CELF5: variants seen among roughly 807,000 people sequenced by gnomAD.
CELF5 encodes CUGBP Elav-like family member 5.
Under a neutral mutation model 54.9 loss-of-function variants are expected in CELF5, and 6 were observed. That is an observed-to-expected ratio of 0.11 (90% CI 0.06 to 0.22). The LOEUF (loss-of-function observed/expected upper bound fraction) is 0.22, where lower values mean the gene tolerates loss of function less well. CELF5 is among the 10% of genes least tolerant of loss of function. CELF5 has a pLI of 1.00. For synonymous variants in CELF5, 271 were observed against 290.9 expected, an observed-to-expected ratio of 0.93 and a Z score of 0.70; for missense variants, 401 against 678.6, an observed-to-expected ratio of 0.59 and a Z score of 4.54.
At chr19:3,277,420 C>G (rs901331270) in intron 4 of CELF5, among the ~76,000 whole-genome samples, 1 of 152,054 alleles carries the variant, frequency 6.6e-6, no homozygotes, top group Non-Finnish European at 1.5e-5. Context: ...TGCAGTGAGC[C>G]GAGATCACGC....
chr19:3,237,189 G>A (rs2145004123), intron 1 of CELF5, among the ~76,000 whole-genome samples: 1 of 150,378 alleles, frequency 6.6e-6, no homozygotes, highest in African/African-American at 2.4e-5. Flanking sequence ...GCAGGAACCT[G>A]TAGTCCCAGC....
chr19:3,262,716 C>T (rs898249456), intron 2 of CELF5, among the ~76,000 whole-genome samples: 7 of 151,388 alleles, frequency 4.6e-5, no homozygotes, highest in Admixed American at 3.3e-4. Context: ...TTTGGGAGGC[C>T]GAGGGGGGTG....
At chr19:3,239,288 CAA>C (rs1350458121) in intron 1 of CELF5, among the ~76,000 whole-genome samples, 2 of 151,648 alleles carry the variant, frequency 1.3e-5, no homozygotes, top group Non-Finnish European at 2.9e-5. Flanking sequence ...TTATTAGAGA[CAA>C]AGTCTCACTA....
At chr19:3,251,449 G>T (rs755147248) in intron 2 of CELF5, among the ~76,000 whole-genome samples, 10 of 152,058 alleles carry the variant, frequency 6.6e-5, no homozygotes, top group Non-Finnish European at 1.5e-4. Flanking sequence ...CAGGGAGGAG[G>T]CCCGTGTGGC....
intron 1 of CELF5, among the ~76,000 whole-genome samples, chr19:3,231,447 C>T (rs902631222): frequency 3.5e-5 from 5 of 144,532 alleles, no homozygotes; most frequent in African/African-American, 7.9e-5. Flanking sequence ...GATGGGTGAA[C>T]GGATGGATGG....
rs535454611 is a variant in CELF5, at chr19:3,282,572, G to A, written c.1039+74G>A. The A allele has an allele frequency of 1.3e-6, 2 of 1,508,074 alleles. No individual in the cohort carries two copies. Among genetic ancestry groups the A allele is most frequent in the Admixed American group, 1.8e-5 (1 of 54,126 alleles). The allele number at this position is 1,508,074 out of a possible 1,614,324, so 93.4% of individuals were successfully genotyped here. ...GATGGTGTTTCTGGAACAAGTATGA[G>A]TCCCTACATCACAGTGCCCAGGGAA... On this transcript the variant is annotated intron_variant, in intron 8 of 12. Transcript: ENST00000292672. This position sits in a 1 kb window ranked among gnomAD's most constrained non-coding sequence, Gnocchi z 5.2.
chr19:3,283,396 G>A (rs2145273470), intron 8 of CELF5, among the ~76,000 whole-genome samples: 1 of 152,140 alleles, frequency 6.6e-6, no homozygotes, highest in South Asian at 2.1e-4. Context: ...TGTCACTCAG[G>A]CTGGAGTGCA....
intron 1 of CELF5, among the ~76,000 whole-genome samples, chr19:3,240,504 T>G (rs1748449845): frequency 6.6e-6 from 1 of 151,572 alleles, no homozygotes. Context: ...GTTTTTGTAT[T>G]TTTAGTAGAG....
intron 1 of CELF5, among the ~76,000 whole-genome samples, chr19:3,246,447 T>C (rs1411782829): frequency 1.3e-5 from 2 of 152,028 alleles, no homozygotes; most frequent in African/African-American, 4.8e-5. Flanking sequence ...CTTATGCCTA[T>C]AATCCCAGCA....
intron 8 of CELF5, among the ~76,000 whole-genome samples, chr19:3,283,333 T>A (rs893831306): frequency 3.9e-5 from 6 of 152,194 alleles, no homozygotes; most frequent in Admixed American, 6.5e-5. Context: ...TTTCTAACTT[T>A]TTATTTTTTT....
intron 2 of CELF5, among the ~76,000 whole-genome samples, chr19:3,262,567 C>T (rs1439854909): frequency 6.6e-6 from 1 of 152,030 alleles, no homozygotes; most frequent in African/African-American, 2.4e-5. Context: ...CAGCATAGGT[C>T]TAGAATATTC....
In CELF5 at chr19:3,227,425, C is replaced by T. The variant is rs140427050; in HGVS notation, c.259+2427C>T. 5.3e-4 allele frequency among the ~76,000 whole-genome samples: 81 copies of T among 152,244 alleles called. 1 individual carries two copies. In the South Asian group the frequency reaches 0.016, roughly 29 times the overall value. On this transcript the variant is annotated intron_variant, in intron 1 of 12. Coordinates refer to ENST00000292672, the MANE Select transcript of CELF5 (RefSeq NM_021938.4). ...TTAGGGCTGTTTCTGGGAGCCCTGGCGTGGTTTAGTGTGCCTGTTCAGAGT... is the reference window on the plus strand; with the variant it reads ...TTAGGGCTGTTTCTGGGAGCCCTGGTGTGGTTTAGTGTGCCTGTTCAGAGT...
chr19:3,244,634 GGT>G (rs753133751), intron 1 of CELF5, among the ~76,000 whole-genome samples: 3 of 149,894 alleles, frequency 2.0e-5, no homozygotes, highest in African/African-American at 7.4e-5. Context: ...GTGCGTGTGT[GGT>G]GTGTGTATGT....
At chr19:3,254,442 T>TACGCATCCATCCATCC (rs934206319) in intron 2 of CELF5, among the ~76,000 whole-genome samples, 11 of 147,212 alleles carry the variant, frequency 7.5e-5, no homozygotes, top group Middle Eastern at 3.7e-3. Flanking sequence ...TCCATCCATC[T>TACGCATCCATCCATCC]ACGCATCCAT....
At chr19:3,225,719 C>A in intron 1 of CELF5, 1 of 318,356 alleles carries the variant, frequency 3.1e-6, no homozygotes, top group Non-Finnish European at 4.5e-6. Flanking sequence ...TGCCCACCCC[C>A]TGGCCCCACC....
intron 10 of CELF5, among the ~76,000 whole-genome samples, chr19:3,286,950 G>A (rs1197000173): frequency 6.8e-6 from 1 of 147,906 alleles, no homozygotes; most frequent in Non-Finnish European, 1.5e-5. Flanking sequence ...CAGGAGAATG[G>A]CATGAACCCA....
At chr19:3,225,924 T>C (rs1282273645) in intron 1 of CELF5, among the ~76,000 whole-genome samples, 3 of 152,066 alleles carry the variant, frequency 2.0e-5, no homozygotes, top group Non-Finnish European at 4.4e-5. Flanking sequence ...GAGGGAGGCG[T>C]GGGCGGCCTC....
intron 2 of CELF5, among the ~76,000 whole-genome samples, chr19:3,254,189 T>G (rs1421609367): frequency 6.6e-6 from 1 of 152,134 alleles, no homozygotes; most frequent in African/African-American, 2.4e-5. Flanking sequence ...CTTCTCTGCA[T>G]CCATCTTGAG....
intron 2 of CELF5, 119 bp from the exon 3 acceptor site, chr19:3,273,753 G>A (rs2145225218): frequency 1.4e-6 from 1 of 696,682 alleles, no homozygotes; most frequent in East Asian, 2.5e-5. Flanking sequence ...TGGGTGGTGG[G>A]GTGCTGAGGG....
Sources: gnomAD v4.1 joint callset for allele counts (sites outside exome capture counted in the v4.1 genomes callset) on GRCh38, gnomAD v4.1.1 for gene constraint, Gnocchi (gnomAD v3.1) non-coding constraint, MANE v1.5 for transcripts, NCBI Gene and HGNC (gene_info 2026-07-23, HGNC 2026-07-21) for gene names.